The following RANBP2 variants were observed in gnomAD, a reference collection of about 807,000 sequenced individuals.
The protein encoded by RANBP2 is RAN binding protein 2.
In RANBP2, 57 loss-of-function variants were observed where a neutral mutation model predicts 303.6. That is an observed-to-expected ratio of 0.19 (90% confidence interval 0.15 to 0.23). RANBP2 has a LOEUF of 0.23. Ranked by LOEUF, RANBP2 falls within the 10% of genes least tolerant of loss-of-function variation. The pLI, the probability that RANBP2 is intolerant of heterozygous loss-of-function variation, is 1.00. For missense variants in RANBP2, 3,138 were observed against 3,780.8 expected (o/e 0.83, Z 4.46); for synonymous variants, 1,167 against 1,301.5 (o/e 0.90, Z 2.23).
the RANBP2 span, among the ~76,000 whole-genome samples, chr2:109,610,453 G>A: frequency 1.4e-4 from 21 of 152,116 alleles, no homozygotes; most frequent in Non-Finnish European, 2.6e-4. Flanking sequence ...GGTGGCTCAC[G>A]CCTGTAATCC....
At chr2:109,107,306 C>T in the RANBP2 span, among the ~76,000 whole-genome samples, 3 of 151,694 alleles carry the variant, frequency 2.0e-5, no homozygotes, top group African/African-American at 4.8e-5. Context: ...ATGACCCACA[C>T]GCTCAGGGAT....
At chr2:109,233,851 C>T in the RANBP2 span, among the ~76,000 whole-genome samples, 218 of 152,270 alleles carry the variant, frequency 1.4e-3, 1 homozygote, top group African/African-American at 4.3e-3. Flanking sequence ...AGCACATTTG[C>T]GATTGGTCTG....
chr2:109,203,310 C>T, the RANBP2 span, among the ~76,000 whole-genome samples: 6 of 152,334 alleles, frequency 3.9e-5, no homozygotes, highest in East Asian at 3.9e-4. Flanking sequence ...CTCAGGTGGA[C>T]GCAGCAGACA....
the RANBP2 span, among the ~76,000 whole-genome samples, chr2:109,702,014 T>C: frequency 1.3e-5 from 2 of 152,242 alleles, no homozygotes; most frequent in African/African-American, 4.8e-5. Context: ...TGGTTTGACC[T>C]GAGGGATCCC....
At chr2:109,469,772 A>C in the RANBP2 span, among the ~76,000 whole-genome samples, 1 of 152,218 alleles carries the variant, frequency 6.6e-6, no homozygotes, top group African/African-American at 2.4e-5. Flanking sequence ...CCCAGATCTC[A>C]TGAAGAAAAG....
chr2:109,385,944 C>T, the RANBP2 span, among the ~76,000 whole-genome samples: 6 of 152,322 alleles, frequency 3.9e-5, no homozygotes, highest in African/African-American at 1.2e-4. Context: ...CACAGTGCAT[C>T]TGTTCACCTG....
chr2:108,813,610 A>G, the RANBP2 span, among the ~76,000 whole-genome samples: 1 of 152,142 alleles, frequency 6.6e-6, no homozygotes, highest in Non-Finnish European at 1.5e-5. Context: ...TTTCCCTAAG[A>G]ATTTTTAAAA....
chr2:109,389,055 C>G, the RANBP2 span, among the ~76,000 whole-genome samples: 50 of 152,198 alleles, frequency 3.3e-4, no homozygotes, highest in Non-Finnish European at 5.3e-4. Context: ...ATCATAGGCC[C>G]AAGGCCACAC....
At chr2:109,662,062 C>A in the RANBP2 span, among the ~76,000 whole-genome samples, 1 of 152,198 alleles carries the variant, frequency 6.6e-6, no homozygotes, top group Non-Finnish European at 1.5e-5. Context: ...ACCACCCTTT[C>A]CAGACCATGA....
the RANBP2 span, among the ~76,000 whole-genome samples, chr2:109,303,149 T>A: frequency 6.6e-6 from 1 of 152,206 alleles, no homozygotes; most frequent in East Asian, 1.9e-4. Context: ...GTGCTAGGAC[T>A]GCAGGCGTGA....
At chr2:108,741,495 CTTTTTTTTTTTTTTTTT>C in intron 7 of RANBP2, among the ~76,000 whole-genome samples, 2 of 61,800 alleles carry the variant, frequency 3.2e-5, no homozygotes, top group African/African-American at 1.4e-4. Flanking sequence ...TGCGCCTGGC[CTTTTTTTTTTTTTTTTT>C]TTTTTTTTTT....
chr2:109,532,777 G>A, the RANBP2 span, among the ~76,000 whole-genome samples: 1 of 152,068 alleles, frequency 6.6e-6, no homozygotes, highest in Non-Finnish European at 1.5e-5. Context: ...TTGTAAGGAA[G>A]TTTAGACTTA....
chr2:108,911,123 G>T, the RANBP2 span: 4 of 1,612,182 alleles, frequency 2.5e-6, no homozygotes, highest in Non-Finnish European at 3.4e-6. Flanking sequence ...ATCCCTGCTG[G>T]TCTTCCCTCC....
the RANBP2 span, among the ~76,000 whole-genome samples, chr2:108,999,901 C>G: frequency 1.9e-4 from 29 of 152,282 alleles, no homozygotes; most frequent in African/African-American, 7.0e-4. Context: ...CTCCACAGCC[C>G]TGGGGTCCAT....
chr2:109,350,170 C>T, the RANBP2 span, among the ~76,000 whole-genome samples: 3 of 152,150 alleles, frequency 2.0e-5, no homozygotes, highest in African/African-American at 4.8e-5. Context: ...ACTCATTCTG[C>T]GGTTGGCATG....
chr2:109,236,904 A>G, the RANBP2 span, among the ~76,000 whole-genome samples: 3 of 152,218 alleles, frequency 2.0e-5, no homozygotes, highest in East Asian at 1.9e-4. Context: ...GGGACAAGGC[A>G]TAAGTATAGT....
the RANBP2 span, among the ~76,000 whole-genome samples, chr2:109,683,951 A>ATT: frequency 1.7e-3 from 261 of 150,324 alleles, no homozygotes; most frequent in East Asian, 3.5e-3. Flanking sequence ...GCAAAACCCT[A>ATT]TTTTTTTTTT....
the RANBP2 span, among the ~76,000 whole-genome samples, chr2:109,513,620 CGCACACATCACTT>C: frequency 6.6e-6 from 1 of 152,202 alleles, no homozygotes; most frequent in Non-Finnish European, 1.5e-5. Flanking sequence ...TATGCACATG[CGCACACATCACTT>C]GCACATTTGC....
the RANBP2 span, among the ~76,000 whole-genome samples, chr2:109,600,324 T>G: frequency 3.9e-5 from 6 of 152,172 alleles, no homozygotes; most frequent in South Asian, 6.2e-4. Context: ...CTGCCCCTCA[T>G]CTCCAAGAAA....
Sources: allele counts gnomAD v4.1 joint callset (sites outside exome capture counted in the v4.1 genomes callset), GRCh38; gene constraint gnomAD v4.1.1; transcripts MANE v1.5; gene names NCBI Gene and HGNC (gene_info 2026-07-23, HGNC 2026-07-21).